Variants in CALCRL observed in about 807,000 individuals in gnomAD.
CALCRL encodes calcitonin gene-related peptide type 1 receptor.
In CALCRL, 27 loss-of-function variants were observed where a neutral mutation model predicts 60.4. The ratio of observed to expected loss-of-function variants is 0.45; its 90% CI spans 0.33 to 0.62. The LOEUF is 0.62. Ranked by LOEUF, CALCRL falls within the 20% of genes least tolerant of loss-of-function variation. The pLI, the probability that CALCRL is intolerant of heterozygous loss-of-function variation, is 0.03. For synonymous variants in CALCRL, 190 were observed against 182.6 expected, an observed-to-expected ratio of 1.04 and a Z score of -0.33; for missense variants, 424 against 540.7, an observed-to-expected ratio of 0.78 and a Z score of 2.14.
intron 9 of CALCRL, 102 bp from the exon 10 acceptor site, chr2:187,360,853 C>A: frequency 9.6e-7 from 1 of 1,040,860 alleles, no homozygotes; most frequent in Non-Finnish European, 1.4e-6. Context: ...CTCCCCTACA[C>A]ACAAAATCCT....
At chr2:187,391,503 C>A (rs1688444726) in intron 1 of CALCRL, among the ~76,000 whole-genome samples, 1 of 152,064 alleles carries the variant, frequency 6.6e-6, no homozygotes, top group South Asian at 2.1e-4. Context: ...AGGAAAAGAA[C>A]TTCAGAGTTG....
At chr2:187,361,895 C>T (rs779878066) in intron 9 of CALCRL, among the ~76,000 whole-genome samples, 4 of 151,682 alleles carry the variant, frequency 2.6e-5, no homozygotes, top group Non-Finnish European at 5.9e-5. Context: ...CTGCAGAATA[C>T]GTAACATTAA....
At chr2:187,444,418 A>G (rs1313872979) in intron 1 of CALCRL, among the ~76,000 whole-genome samples, 1 of 151,572 alleles carries the variant, frequency 6.6e-6, no homozygotes, top group African/African-American at 2.4e-5. Context: ...AATTTTTAGT[A>G]ATGGAAAAGG....
chr2:187,402,060 T>C (rs1168626628), intron 1 of CALCRL, among the ~76,000 whole-genome samples: 2 of 151,612 alleles, frequency 1.3e-5, no homozygotes, highest in Non-Finnish European at 3.0e-5. Context: ...ATGCACACTT[T>C]AAAAATTGTT....
rs575673114 is a variant in CALCRL at position 187,427,516 on chromosome 2, G to A, written c.-293+20523C>T. 2.0e-4 allele frequency among the ~76,000 whole-genome samples: 30 copies of A among 152,210 alleles called. 1 individual carries two copies. The South Asian group carries it at 6.2e-3, about 32-fold the overall frequency. ...TAAAGAATTTCATGAAGGTATTATCGTCACTGCATATAATATGCTTTCTAC... is the reference window on the plus strand; with the variant it reads ...TAAAGAATTTCATGAAGGTATTATCATCACTGCATATAATATGCTTTCTAC... On this transcript the variant is annotated intron_variant, in intron 1 of 14. Coordinates refer to ENST00000392370, the MANE Select transcript of CALCRL (RefSeq NM_005795.6).
intron 1 of CALCRL, among the ~76,000 whole-genome samples, chr2:187,405,662 A>G (rs1689084608): frequency 6.6e-6 from 1 of 152,060 alleles, no homozygotes; most frequent in Non-Finnish European, 1.5e-5. Context: ...GAAGAGCAAA[A>G]CCAGTGAAAC....
intron 2 of CALCRL, 28 bp from the exon 3 acceptor site, chr2:187,387,521 T>C: frequency 2.9e-6 from 1 of 342,518 alleles, no homozygotes; most frequent in Non-Finnish European, 5.2e-6. Context: ...CAAAATACCA[T>C]GAATCATTGT....
chr2:187,407,168 T>A (rs539662273), intron 1 of CALCRL, among the ~76,000 whole-genome samples: 1 of 152,094 alleles, frequency 6.6e-6, no homozygotes, highest in South Asian at 2.1e-4. Context: ...GCCTTTTTAA[T>A]CATTGGGATT....
Position 187,437,264 on chromosome 2 carries a change from C to T in CALCRL, c.-293+10775G>A, listed in dbSNP as rs111346080. Among the ~76,000 whole-genome samples, 493 of 152,130 alleles carry T rather than the reference C, an allele frequency of 3.2e-3. 3 individuals are homozygous for T. The highest frequency in any genetic ancestry group is 0.011 in the African/African-American group (466 of 41,518). On this transcript the variant is annotated intron_variant, in intron 1 of 14. Transcript: ENST00000392370. The stretch of plus-strand genomic sequence containing the variant: ...ATTTAAAACTCAGATACATATAGGC[C>T]GGGCACTGTGGCTCACGCCTGTAAT...
At chr2:187,442,043 A>G (rs916060239) in intron 1 of CALCRL, 33 of 149,130 alleles carry the variant, frequency 2.2e-4, no homozygotes, top group Non-Finnish European at 4.0e-4. Context: ...CTTGATCTAT[A>G]AAAGTATCTG....
intron 1 of CALCRL, among the ~76,000 whole-genome samples, chr2:187,446,462 A>G (rs1010733929): frequency 6.6e-6 from 1 of 151,764 alleles, no homozygotes; most frequent in East Asian, 1.9e-4. Flanking sequence ...TTATACAAGA[A>G]AATTATGGGT....
intron 1 of CALCRL, chr2:187,431,418 GGGA>G (rs1690400651): frequency 6.5e-6 from 1 of 154,716 alleles, no homozygotes; most frequent in African/African-American, 2.4e-5. Flanking sequence ...AGTGGATGGT[GGGA>G]TTTCTCAGAA....
Position 187,359,120 on chromosome 2 carries a change from G to A in CALCRL, c.852C>T (p.Ile284=), listed in dbSNP as rs1559041107. Residue 284 remains isoleucine (I), a synonymous_variant, in exon 12 of 15, where the codon ATC becomes ATT. Coordinates refer to ENST00000392370, the MANE Select transcript of CALCRL (RefSeq NM_005795.6). ...RSLYYNDNCW[I]SSDTHLLYII... ...TGTAGAGGAGATGGGTATCAGAACT[G>A]ATCCAGCAACTAGAGAAAACATAAT... 2 of 1,612,702 alleles carry A rather than the reference G, an allele frequency of 1.2e-6. No homozygotes were observed. Among genetic ancestry groups the A allele is most frequent in the Non-Finnish European group, 1.7e-6 (2 of 1,178,958 alleles).
intron 1 of CALCRL, among the ~76,000 whole-genome samples, chr2:187,445,766 C>T (rs551755170): frequency 3.0e-4 from 45 of 151,340 alleles, no homozygotes; most frequent in African/African-American, 8.4e-4. Context: ...ATAATATGTG[C>T]AGGTGAACAT....
At chr2:187,346,643 T>G (rs1422264934) in intron 14 of CALCRL, among the ~76,000 whole-genome samples, 3 of 151,802 alleles carry the variant, frequency 2.0e-5, no homozygotes, top group African/African-American at 7.3e-5. Context: ...ATGGCATGTT[T>G]TGTCTTCAAA....
rs550654926 is a variant in CALCRL, at chr2:187,387,704, T to A, written c.-240A>T. On this transcript the variant is annotated 5_prime_UTR_variant, in exon 2 of 15. Transcript: ENST00000392370. ...TCCAGTCTCAAATCACATTTTCTCT[T>A]GGATCATATTTGACATTGTCTTTAA... is the stretch of plus-strand genomic sequence containing the variant. 1 of 397,154 alleles carries A rather than the reference T, an allele frequency of 2.5e-6. No individual in the cohort carries two copies. The highest frequency in any genetic ancestry group is 1.3e-4 in the South Asian group (1 of 7,846). The allele number at this position is 397,154 out of a possible 1,614,324, so 24.6% of individuals were successfully genotyped here. A position where few individuals can be genotyped will look rare whatever the true frequency, so the allele number is the denominator to read the frequency against.
At chr2:187,385,524 C>A in intron 4 of CALCRL, 21 bp downstream of exon 4, 1 of 1,157,990 alleles carries the variant, frequency 8.6e-7, no homozygotes, top group South Asian at 1.3e-5. Flanking sequence ...CAGACATAAT[C>A]ATATATATTT....
At chr2:187,442,560 G>C (rs1454811180) in intron 1 of CALCRL, among the ~76,000 whole-genome samples, 1 of 151,640 alleles carries the variant, frequency 6.6e-6, no homozygotes, top group Non-Finnish European at 1.5e-5. Flanking sequence ...GAAAATATAA[G>C]TGTCTTCCAT....
intron 1 of CALCRL, among the ~76,000 whole-genome samples, chr2:187,405,795 A>G (rs1260755611): frequency 6.6e-6 from 1 of 152,018 alleles, no homozygotes; most frequent in Non-Finnish European, 1.5e-5. Flanking sequence ...GCCAGCAATT[A>G]AGCTTAGCAG....
Sources: gnomAD v4.1 joint callset for allele counts (sites outside exome capture counted in the v4.1 genomes callset) on GRCh38, gnomAD v4.1.1 for gene constraint, MANE v1.5 for transcripts, NCBI Gene and HGNC (gene_info 2026-07-23, HGNC 2026-07-21) for gene names.